The following PRDM1 variants were observed in gnomAD, a reference collection of about 807,000 sequenced individuals.
PRDM1 encodes PR/SET domain 1, also known as PR domain zinc finger protein 1.
A neutral mutation model predicts 62.8 loss-of-function variants in PRDM1; 13 were observed. The observed-to-expected ratio is 0.21, with a 90% CI of 0.13 to 0.33. The LOEUF is 0.33. PRDM1 is among the 10% of genes least tolerant of loss of function. The probability of loss-of-function intolerance (pLI) is 1.00; values close to 1 mark genes in which losing one functional copy is unlikely to be tolerated. For missense variants in PRDM1, 895 were observed against 1,058.8 expected (o/e 0.85, Z 2.15); for synonymous variants, 396 against 417.6 (o/e 0.95, Z 0.63).
intron 1 of PRDM1, among the ~76,000 whole-genome samples, chr6:106,041,333 T>G (rs1370323168): frequency 6.6e-6 from 1 of 152,254 alleles, no homozygotes. Flanking sequence ...AGGAGCAGAA[T>G]GAGTCACTTA....
At chr6:106,063,655 G>A (rs1696442319) in intron 1 of PRDM1, among the ~76,000 whole-genome samples, 1 of 152,174 alleles carries the variant, frequency 6.6e-6, no homozygotes, top group South Asian at 2.1e-4. Context: ...TCCATGTTAA[G>A]TTTACGACAT....
intron 1 of PRDM1, among the ~76,000 whole-genome samples, chr6:106,000,554 C>G (rs972258585): frequency 4.8e-5 from 7 of 147,168 alleles, no homozygotes; most frequent in Non-Finnish European, 6.0e-5. Context: ...CCCTCCCTCA[C>G]CAAGGTTATT....
At chr6:106,088,829 T>C (rs1318981316) in intron 2 of PRDM1, among the ~76,000 whole-genome samples, 1 of 152,168 alleles carries the variant, frequency 6.6e-6, no homozygotes, top group Non-Finnish European at 1.5e-5. Context: ...GAAAAAAAAG[T>C]TTTAATATTT....
At chr6:106,002,683 CTTAT>C (rs1385491126) in intron 1 of PRDM1, among the ~76,000 whole-genome samples, 9 of 152,086 alleles carry the variant, frequency 5.9e-5, no homozygotes, top group African/African-American at 2.2e-4. Flanking sequence ...TATTTTCTTA[CTTAT>C]TGTCTTTGCC....
chr6:105,993,780 G>A (rs1772313114), intron 1 of PRDM1, among the ~76,000 whole-genome samples: 1 of 152,166 alleles, frequency 6.6e-6, no homozygotes, highest in South Asian at 2.1e-4. Context: ...TGGTGGTATG[G>A]GGCTCTGATA....
At chr6:106,098,135 C>T in intron 3 of PRDM1, 10 of 920,082 alleles carry the variant, frequency 1.1e-5, no homozygotes, top group Non-Finnish European at 1.3e-5. Context: ...CAATAACCTG[C>T]TGTCCGGTGA....
chr6:106,045,966 T>C, upstream of PRDM1: 1 of 152,140 alleles, frequency 6.6e-6, no homozygotes, highest in East Asian at 1.9e-4. Context: ...TATTATAAAA[T>C]ACACTGTCAC....
At chr6:106,087,937 CT>C (rs67873862) in intron 1 of PRDM1, 13,961 of 190,232 alleles carry the variant, frequency 0.073, no homozygotes, top group East Asian at 0.16. Context: ...AGAGGTGATT[CT>C]TTTTTTTTTT....
intron 1 of PRDM1, among the ~76,000 whole-genome samples, chr6:106,079,331 G>C (rs1381784527): frequency 1.3e-5 from 2 of 152,100 alleles, no homozygotes; most frequent in Non-Finnish European, 2.9e-5. Flanking sequence ...AATAACTGAA[G>C]AGAATGGTAT....
chr6:106,002,886 G>T (rs1199751353), intron 1 of PRDM1, among the ~76,000 whole-genome samples: 1 of 152,168 alleles, frequency 6.6e-6, no homozygotes, highest in Non-Finnish European at 1.5e-5. Flanking sequence ...ACTGTGTGTG[G>T]CCAAGAGAGG....
intron 1 of PRDM1, among the ~76,000 whole-genome samples, chr6:106,067,703 C>T (rs570672522): frequency 7.3e-4 from 111 of 152,060 alleles, no homozygotes; most frequent in Non-Finnish European, 1.2e-3. Flanking sequence ...ATAGAGGTTA[C>T]CAGGGGCCGG....
intron 1 of PRDM1, among the ~76,000 whole-genome samples, chr6:106,076,671 T>C (rs1190820194): frequency 6.6e-6 from 1 of 152,230 alleles, no homozygotes; most frequent in Non-Finnish European, 1.5e-5. Context: ...TTACTTAAGA[T>C]GTACAACTGT....
intron 4 of PRDM1, 194 bp downstream of exon 4, chr6:106,099,746 A>C: frequency 1.5e-6 from 1 of 670,284 alleles, no homozygotes; most frequent in East Asian, 2.8e-5. Flanking sequence ...ATCATTTAAA[A>C]GTATATATAT....
At chr6:106,067,445 T>C (rs557067100) in intron 1 of PRDM1, among the ~76,000 whole-genome samples, 9 of 152,272 alleles carry the variant, frequency 5.9e-5, no homozygotes, top group Non-Finnish European at 2.9e-5. Flanking sequence ...CAGATACTTA[T>C]ATGCCAGTGT....
At position 106,079,295 on chromosome 6, in the gene PRDM1, A is replaced by T. The variant is rs78179247; in HGVS notation, c.-66-8906A>T. Among the ~76,000 whole-genome samples the T allele has an allele frequency of 4.0e-3, 607 of 152,280 alleles. 4 individuals carry two copies. The highest frequency in any genetic ancestry group is 0.014 in the African/African-American group (572 of 41,562). ...TTTTTAACATTTAAAAAAACTGTTAAAACAAGGATCAGTGAGGGAAAAAAA... is the reference window on the plus strand; with the variant it reads ...TTTTTAACATTTAAAAAAACTGTTATAACAAGGATCAGTGAGGGAAAAAAA... On this transcript the variant is annotated intron_variant, in intron 1 of 6. Transcript: ENST00000651185.
rs1773805961 is a variant in PRDM1 at position 106,086,401 on chromosome 6, C to A, written c.-153C>A. 4 of 623,632 alleles carry A rather than the reference C, an allele frequency of 6.4e-6. No homozygotes were observed. The highest frequency in any genetic ancestry group is 8.5e-6 in the Non-Finnish European group (3 of 354,780). The allele number at this position is 623,632 out of a possible 1,614,324, so 38.6% of individuals were successfully genotyped here. A position where few individuals can be genotyped will look rare whatever the true frequency, so the allele number is the denominator to read the frequency against. On this transcript the variant is annotated 5_prime_UTR_variant, in exon 1 of 7. Transcript: ENST00000369096. ...GTTGCGGAGAGGCAAGAGCAGCGAC[C>A]GCGGCACCTGTCCGCCCGGAGCTGG...
chr6:106,002,456 T>C (rs1229725243), intron 1 of PRDM1, among the ~76,000 whole-genome samples: 3 of 152,172 alleles, frequency 2.0e-5, no homozygotes, highest in Non-Finnish European at 4.4e-5. Context: ...ATTAAAAGGA[T>C]TGTCATAGTT....
intron 1 of PRDM1, among the ~76,000 whole-genome samples, chr6:106,016,116 G>A (rs1772616079): frequency 6.6e-6 from 1 of 152,120 alleles, no homozygotes; most frequent in South Asian, 2.1e-4. Context: ...ATAGCATAAT[G>A]TTTTCAAGGA....
intron 1 of PRDM1, among the ~76,000 whole-genome samples, chr6:106,011,071 G>A (rs1173774912): frequency 6.6e-6 from 1 of 152,148 alleles, no homozygotes; most frequent in African/African-American, 2.4e-5. Flanking sequence ...CCCATAGGGT[G>A]TACCTTTTCA....
Sources: allele counts gnomAD v4.1 joint callset (sites outside exome capture counted in the v4.1 genomes callset), GRCh38; gene constraint gnomAD v4.1.1; transcripts MANE v1.5; gene names NCBI Gene and HGNC (gene_info 2026-07-23, HGNC 2026-07-21).